The following CASK variants were observed in gnomAD, a reference collection of about 807,000 sequenced individuals.
CASK encodes peripheral plasma membrane protein CASK.
Under a neutral mutation model 82.9 loss-of-function variants are expected in CASK, and 4 were observed. The ratio of observed to expected loss-of-function variants is 0.05; its 90% confidence interval spans 0.02 to 0.11. The LOEUF (loss-of-function observed/expected upper bound fraction) is 0.11, where lower values mean the gene tolerates loss of function less well. Among genes scored for constraint, CASK ranks in the 10% least tolerant of loss-of-function variants. The pLI is 1.00. For synonymous variants in CASK, 259 were observed against 253.5 expected, an observed-to-expected ratio of 1.02 and a Z score of -0.20; for missense variants, 358 against 720.9, an observed-to-expected ratio of 0.50 and a Z score of 5.76.
intron 11 of CASK, among the ~76,000 whole-genome samples, chrX:41,616,689 C>T (rs2066206802): frequency 9.1e-6 from 1 of 109,323 alleles, no homozygotes; most frequent in South Asian, 4.0e-4. Flanking sequence ...CTCACTGCAA[C>T]CTCCGCCTCC....
chrX:41,878,071 G>A (rs779297343), intron 1 of CASK, among the ~76,000 whole-genome samples: 233 of 109,864 alleles, frequency 2.1e-3, no homozygotes, highest in Non-Finnish European at 2.6e-3. Flanking sequence ...TGTTTTAAGC[G>A]AAATAAGTAG....
At chrX:41,782,243 T>C (rs2069493447) in intron 3 of CASK, among the ~76,000 whole-genome samples, 1 of 111,905 alleles carries the variant, frequency 8.9e-6, no homozygotes, top group Non-Finnish European at 1.9e-5. Context: ...GTGACCAGTA[T>C]GCTGGGGTTT....
intron 12 of CASK, among the ~76,000 whole-genome samples, chrX:41,593,164 G>T (rs1459194774): frequency 9.0e-6 from 1 of 111,391 alleles, no homozygotes; most frequent in Non-Finnish European, 1.9e-5. Flanking sequence ...TGGGGGCATT[G>T]GGCTCTGCTT....
chrX:41,629,432 G>A (rs946665169), intron 9 of CASK, among the ~76,000 whole-genome samples: 3 of 111,937 alleles, frequency 2.7e-5, no homozygotes, highest in Admixed American at 9.5e-5. Flanking sequence ...CATTCTAAGG[G>A]ACTCATTTTG....
At chrX:41,628,716 T>C (rs2066418993) in intron 9 of CASK, among the ~76,000 whole-genome samples, 2 of 112,499 alleles carry the variant, frequency 1.8e-5, no homozygotes, top group Non-Finnish European at 3.7e-5. Context: ...TTGAGATTTC[T>C]GAAAGTCTAA....
chrX:41,627,610 C>A (rs1282484120), intron 9 of CASK, among the ~76,000 whole-genome samples: 1 of 111,716 alleles, frequency 9.0e-6, no homozygotes, highest in African/African-American at 3.3e-5. Flanking sequence ...CTGCATGCCT[C>A]TGTGTACCCA....
chrX:41,700,855 C>G (rs1164474303), intron 5 of CASK, among the ~76,000 whole-genome samples: 1 of 97,756 alleles, frequency 1.0e-5, no homozygotes, highest in Non-Finnish European at 2.0e-5. Context: ...GCTGGGATTA[C>G]AGGCATTGAG....
At chrX:41,838,354 TTTTTTG>T (rs1382402963) in intron 2 of CASK, among the ~76,000 whole-genome samples, 1 of 112,300 alleles carries the variant, frequency 8.9e-6, no homozygotes, top group Non-Finnish European at 1.9e-5. Context: ...ACTGTTGAGG[TTTTTTG>T]TTTTTCTTTT....
At chrX:41,683,104 C>T (rs1196576992) in intron 5 of CASK, 1 of 111,431 alleles carries the variant, frequency 9.0e-6, no homozygotes, top group Non-Finnish European at 1.9e-5. Context: ...TCATCTGCTG[C>T]CTCTTTGCTG....
chrX:41,860,878 G>A (rs1444390237), intron 1 of CASK, among the ~76,000 whole-genome samples: 1 of 112,631 alleles, frequency 8.9e-6, no homozygotes, highest in African/African-American at 3.2e-5. Context: ...CTTGACAAAG[G>A]AGTATGATTC....
intron 9 of CASK, among the ~76,000 whole-genome samples, chrX:41,631,664 T>C (rs1329267984): frequency 3.7e-5 from 4 of 109,431 alleles, no homozygotes; most frequent in African/African-American, 1.3e-4. Context: ...AGAGATGGCG[T>C]TTCTCCATGT....
chrX:41,607,401 G>A (rs2065977721), intron 12 of CASK, among the ~76,000 whole-genome samples: 1 of 112,097 alleles, frequency 8.9e-6, no homozygotes, highest in African/African-American at 3.2e-5. Flanking sequence ...TTCAAAAGAA[G>A]GTCAGTAAAT....
chrX:41,739,975 A>G (rs1280072725), intron 4 of CASK, among the ~76,000 whole-genome samples: 1 of 112,174 alleles, frequency 8.9e-6, no homozygotes, highest in African/African-American at 3.2e-5. Flanking sequence ...AACATAATCA[A>G]GTTTTAGTTG....
intron 5 of CASK, among the ~76,000 whole-genome samples, chrX:41,719,773 AGAG>A (rs2068130950): frequency 8.9e-6 from 1 of 112,421 alleles, no homozygotes; most frequent in Non-Finnish European, 1.9e-5. Context: ...AGGCAAAGGC[AGAG>A]GAGAACAAAA....
At chrX:41,885,997 C>T (rs1453338764) in intron 1 of CASK, among the ~76,000 whole-genome samples, 1 of 112,062 alleles carries the variant, frequency 8.9e-6, no homozygotes, top group African/African-American at 3.2e-5. Context: ...ATCTCTTCAG[C>T]TCTATAGACC....
intron 25 of CASK, chrX:41,529,417 C>T (rs972401207): frequency 4.0e-5 from 7 of 173,989 alleles, no homozygotes; most frequent in Admixed American, 1.3e-4. Context: ...GTGGCGGTGG[C>T]GGCGGCAGCA....
intron 5 of CASK, among the ~76,000 whole-genome samples, chrX:41,715,237 T>C (rs1409707027): frequency 1.8e-5 from 2 of 112,478 alleles, no homozygotes; most frequent in Non-Finnish European, 3.8e-5. Context: ...AAACCTGGCC[T>C]ATTTATTAAA....
chrX:41,594,829 C>A (rs1602318410), intron 12 of CASK, among the ~76,000 whole-genome samples: 1 of 111,889 alleles, frequency 8.9e-6, no homozygotes, highest in East Asian at 2.8e-4. Context: ...GATGCAGAAA[C>A]CACACGTCTG....
chrX:41,742,760 G>A (rs181911902), intron 4 of CASK, among the ~76,000 whole-genome samples: 119 of 111,724 alleles, frequency 1.1e-3, no homozygotes, highest in African/African-American at 3.6e-3. Context: ...GAATCTACGC[G>A]CCCTTGTTGC....
Sources: allele counts gnomAD v4.1 joint callset (sites outside exome capture counted in the v4.1 genomes callset), GRCh38; gene constraint gnomAD v4.1.1; transcripts MANE v1.5; gene names NCBI Gene and HGNC (gene_info 2026-07-23, HGNC 2026-07-21).